Variants in SGCZ observed in about 807,000 individuals in gnomAD.
SGCZ encodes zeta-sarcoglycan.
SGCZ carries 40 observed loss-of-function variants against 41.3 expected under a neutral mutation model. The ratio of observed to expected loss-of-function variants is 0.97; its 90% CI spans 0.75 to 1.26. SGCZ has a LOEUF of 1.26. Among genes scored for constraint, SGCZ ranks in the 50% most tolerant of loss-of-function variants. SGCZ has a pLI of 0.00. For missense variants in SGCZ, 552 were observed against 369.8 expected (o/e 1.49, Z -4.04); for synonymous variants, 206 against 137.5 (o/e 1.50, Z -3.49).
intron 1 of SGCZ, among the ~76,000 whole-genome samples, chr8:15,046,107 G>C (rs1416892147): frequency 6.6e-6 from 1 of 151,974 alleles, no homozygotes; most frequent in Non-Finnish European, 1.5e-5. Flanking sequence ...CCTTCAGACT[G>C]ATTTCCATTC....
chr8:14,818,912 A>T (rs1480565321), intron 1 of SGCZ, among the ~76,000 whole-genome samples: 1 of 152,076 alleles, frequency 6.6e-6, no homozygotes, highest in Non-Finnish European at 1.5e-5. Context: ...CTTATAGAAT[A>T]CCACTAAACA....
chr8:15,169,018 G>A lies in SGCZ; in HGVS notation c.39+68567C>T, dbSNP rs530690318. 6.4e-4 allele frequency among the ~76,000 whole-genome samples: 98 copies of A among 152,222 alleles called. 1 individual carries two copies. Among genetic ancestry groups the A allele is most frequent in the Admixed American group, 2.0e-3 (30 of 15,294 alleles). On this transcript the variant is annotated intron_variant, in intron 1 of 7. Transcript: ENST00000382080. ...CTGTCTTTACCCCTTGCCTTGTTTT[G>A]TTTTGATACATGTTTTCTAATAATC...
At chr8:15,196,949 G>C (rs1333546734) in intron 1 of SGCZ, among the ~76,000 whole-genome samples, 1 of 152,166 alleles carries the variant, frequency 6.6e-6, no homozygotes, top group Non-Finnish European at 1.5e-5. Flanking sequence ...TCATTCTCTA[G>C]CAGGACAGAC....
intron 1 of SGCZ, among the ~76,000 whole-genome samples, chr8:14,652,222 T>A (rs1268211538): frequency 6.6e-6 from 1 of 151,020 alleles, no homozygotes; most frequent in Non-Finnish European, 1.5e-5. Context: ...ATGCATGTAA[T>A]CCCAGCTACT....
chr8:15,091,240 G>A (rs1285690372), intron 1 of SGCZ, among the ~76,000 whole-genome samples: 1 of 151,954 alleles, frequency 6.6e-6, no homozygotes, highest in Non-Finnish European at 1.5e-5. Flanking sequence ...AGGCTGGCCT[G>A]CAACTCTGGG....
chr8:14,624,761 G>A (rs1806398986), intron 1 of SGCZ, among the ~76,000 whole-genome samples: 1 of 151,054 alleles, frequency 6.6e-6, no homozygotes, highest in Non-Finnish European at 1.5e-5. Flanking sequence ...AGTAGAGACG[G>A]GGTTTCACCA....
chr8:14,173,706 T>C (rs1804458437), intron 4 of SGCZ, among the ~76,000 whole-genome samples: 1 of 151,890 alleles, frequency 6.6e-6, no homozygotes, highest in Non-Finnish European at 1.5e-5. Context: ...ACTGATGAAA[T>C]GGAGCAGGAA....
At chr8:14,429,531 C>G (rs563990433) in intron 2 of SGCZ, among the ~76,000 whole-genome samples, 1 of 152,268 alleles carries the variant, frequency 6.6e-6, no homozygotes, top group Non-Finnish European at 1.5e-5. Flanking sequence ...GTCAGTTAGT[C>G]AGTTGAAGAG....
intron 1 of SGCZ, among the ~76,000 whole-genome samples, chr8:15,128,417 A>G (rs982928314): frequency 1.3e-5 from 2 of 152,162 alleles, no homozygotes; most frequent in Admixed American, 6.5e-5. Flanking sequence ...ACTGCTGGGG[A>G]TAAATATTCC....
chr8:14,949,376 G>T (rs531264337), intron 1 of SGCZ, among the ~76,000 whole-genome samples: 1 of 152,090 alleles, frequency 6.6e-6, no homozygotes, highest in Non-Finnish European at 1.5e-5. Context: ...AGAAAATTAG[G>T]TCTGAAATAT....
At chr8:14,785,368 G>A (rs915035323) in intron 1 of SGCZ, among the ~76,000 whole-genome samples, 1 of 152,006 alleles carries the variant, frequency 6.6e-6, no homozygotes, top group Non-Finnish European at 1.5e-5. Flanking sequence ...AACACAGATG[G>A]AAACCCAAGT....
intron 1 of SGCZ, among the ~76,000 whole-genome samples, chr8:14,663,238 T>G (rs999197515): frequency 6.6e-6 from 1 of 152,164 alleles, no homozygotes; most frequent in African/African-American, 2.4e-5. Context: ...ATTTTGAAAA[T>G]TTAATTTATT....
chr8:14,708,562 G>A (rs12544643), intron 1 of SGCZ, among the ~76,000 whole-genome samples: 154 of 151,884 alleles, frequency 1.0e-3, no homozygotes, highest in Non-Finnish European at 1.8e-3. Flanking sequence ...TTTCTGACAT[G>A]CCTGAGCCTG....
intron 1 of SGCZ, among the ~76,000 whole-genome samples, chr8:14,795,225 TA>T (rs1801085094): frequency 6.6e-6 from 1 of 152,192 alleles, no homozygotes; most frequent in African/African-American, 2.4e-5. Context: ...AATTATTGAC[TA>T]AAGCATACAT....
intron 4 of SGCZ, among the ~76,000 whole-genome samples, chr8:14,220,266 A>G (rs557340688): frequency 1.3e-5 from 2 of 152,358 alleles, no homozygotes; most frequent in South Asian, 2.1e-4. Context: ...TGGAACTACC[A>G]TGCGCAATGG....
intron 1 of SGCZ, among the ~76,000 whole-genome samples, chr8:14,680,231 A>C (rs531753167): frequency 6.6e-6 from 1 of 152,246 alleles, no homozygotes; most frequent in South Asian, 2.1e-4. Context: ...ACATGGTGGA[A>C]TTTTAGGGCA....
intron 3 of SGCZ, among the ~76,000 whole-genome samples, chr8:14,241,803 A>G (rs1798903168): frequency 1.3e-5 from 2 of 152,208 alleles, no homozygotes; most frequent in African/African-American, 4.8e-5. Flanking sequence ...CATATTCTTC[A>G]TGCCAAGGGC....
intron 1 of SGCZ, among the ~76,000 whole-genome samples, chr8:14,902,903 C>T (rs1799012620): frequency 6.6e-6 from 1 of 151,922 alleles, no homozygotes; most frequent in Admixed American, 6.6e-5. Flanking sequence ...TATACGTCTC[C>T]CTGATTAACA....
At chr8:14,923,666 G>C (rs1028607436) in intron 1 of SGCZ, among the ~76,000 whole-genome samples, 1 of 152,192 alleles carries the variant, frequency 6.6e-6, no homozygotes, top group African/African-American at 2.4e-5. Context: ...ACATAAAGTT[G>C]CATGGAATTT....
Sources: allele counts gnomAD v4.1 joint callset (sites outside exome capture counted in the v4.1 genomes callset), GRCh38; gene constraint gnomAD v4.1.1; transcripts MANE v1.5; gene names NCBI Gene and HGNC (gene_info 2026-07-23, HGNC 2026-07-21).